RND2: variants seen among roughly 807,000 people sequenced by gnomAD.
RND2 encodes the protein rho-related GTP-binding protein RhoN.
Under a neutral mutation model 25.9 loss-of-function variants are expected in RND2, and 16 were observed. The ratio of observed to expected loss-of-function variants is 0.62; its 90% CI spans 0.42 to 0.94. RND2 has a LOEUF of 0.94. RND2 is among the 40% of genes least tolerant of loss of function. The pLI is 0.00. For missense variants in RND2, 276 were observed against 305.5 expected (o/e 0.90, Z 0.72); for synonymous variants, 97 against 118.1 (o/e 0.82, Z 1.16).
At chr17:43,028,040 C>A (rs1205727748) in intron 3 of RND2, 21 bp from the exon 4 acceptor site, 3 of 1,607,104 alleles carry the variant, frequency 1.9e-6, no homozygotes, top group Non-Finnish European at 2.5e-6. Context: ...CTCCACAATT[C>A]TCTTTTCTTC....
intron 2 of RND2, among the ~76,000 whole-genome samples, chr17:43,026,873 C>G (rs918299607): frequency 6.6e-6 from 1 of 152,166 alleles, no homozygotes; most frequent in Non-Finnish European, 1.5e-5. Flanking sequence ...AAAGCACATG[C>G]AACATTTTAT....
At chr17:43,025,930 G>A (rs746726283) in intron 1 of RND2, 30 bp from the exon 2 acceptor site, 10 of 1,549,754 alleles carry the variant, frequency 6.5e-6, no homozygotes, top group Middle Eastern at 1.7e-4. Context: ...TTGGAGAGAT[G>A]ATCTCATCTG....
intron 2 of RND2, 171 bp downstream of exon 2, chr17:43,026,218 G>T: frequency 3.6e-6 from 2 of 557,680 alleles, no homozygotes; most frequent in Non-Finnish European, 6.5e-6. Context: ...AACTTGCAGA[G>T]CCTGACAGAA....
In RND2 at chr17:43,031,477, A is replaced by C. The variant is rs2050671525; in HGVS notation, c.*2797A>C. ...TCTGAGGACTGACCCTTTCCCCACA[A>C]GGACCTGCCATAAAAATCGACTTGC... On this transcript the variant is annotated 3_prime_UTR_variant, in exon 5 of 5. Coordinates refer to ENST00000587250, the MANE Select transcript of RND2 (RefSeq NM_005440.5). 1 of 152,108 alleles carries C rather than the reference A, an allele frequency of 6.6e-6. No homozygotes were observed. Among genetic ancestry groups the C allele is most frequent in the African/African-American group, 2.4e-5 (1 of 41,398 alleles). The allele number at this position is 152,108 out of a possible 1,614,324, so 9.4% of individuals were successfully genotyped here.
chr17:43,027,920 C>G lies in RND2; in HGVS notation c.301-141C>G, dbSNP rs889810362. 2.7e-4 allele frequency: 265 copies of G among 999,730 alleles called. 1 individual carries two copies. Among genetic ancestry groups the G allele is most frequent in the Middle Eastern group, 1.2e-3 (4 of 3,266 alleles). The allele number at this position is 999,730 out of a possible 1,614,324, so 61.9% of individuals were successfully genotyped here. A position where few individuals can be genotyped will look rare whatever the true frequency, so the allele number is the denominator to read the frequency against. On this transcript the variant is annotated intron_variant, in intron 3 of 4. Coordinates refer to ENST00000587250, the MANE Select transcript of RND2 (RefSeq NM_005440.5). ...CAAACCAAGCCTAGCATTCTCACCT[C>G]CTTCCTCATGTGGGAGAGTCCTGAG...
intron 3 of RND2, among the ~76,000 whole-genome samples, chr17:43,027,529 G>A (rs1290232548): frequency 6.6e-6 from 1 of 152,174 alleles, no homozygotes; most frequent in African/African-American, 2.4e-5. Context: ...AGTGAAGGGA[G>A]AAGCACTCAC....
rs182279900 is a variant in RND2 at position 43,031,745 on chromosome 17, C to G, written c.*3065C>G. On this transcript the variant is annotated 3_prime_UTR_variant, in exon 5 of 5. Transcript: ENST00000587250. ...AAAGTTTAATACATTTTCAATACCA[C>G]CAGGAATGGATTTTTGGTCCCTTTC... The G allele has an allele frequency of 8.5e-5, 13 of 152,280 alleles. No individual in the cohort carries two copies. The East Asian group carries it at 2.1e-3, about 25-fold the overall frequency. 9.4% of individuals were successfully genotyped at this position (152,280 alleles called of 1,614,324 possible). A position where few individuals can be genotyped will look rare whatever the true frequency, so the allele number is the denominator to read the frequency against.
At chr17:43,027,393 G>A in intron 3 of RND2, 101 bp downstream of exon 3, 1 of 754,606 alleles carries the variant, frequency 1.3e-6, no homozygotes, top group Non-Finnish European at 2.2e-6. Context: ...GCTGGGGTAT[G>A]GCCATCAGCT....
At chr17:43,028,272 C>A in intron 4 of RND2, 77 bp downstream of exon 4, 1 of 1,600,546 alleles carries the variant, frequency 6.2e-7, no homozygotes, top group Non-Finnish European at 8.5e-7. Context: ...TTTGAAAACA[C>A]CTTACCTGGC....
rs1270403316 is a variant in RND2, at chr17:43,031,758, T to G, written c.*3078T>G. On this transcript the variant is annotated 3_prime_UTR_variant, in exon 5 of 5. Coordinates refer to ENST00000587250, the MANE Select transcript of RND2 (RefSeq NM_005440.5). ...TTTTCAATACCACCAGGAATGGATTTTTGGTCCCTTTCTGCAGGTCTGGGT... is the reference window on the plus strand; with the variant it reads ...TTTTCAATACCACCAGGAATGGATTGTTGGTCCCTTTCTGCAGGTCTGGGT... The G allele has an allele frequency of 6.6e-6, 1 of 152,164 alleles. No individual in the cohort carries two copies. The highest frequency in any genetic ancestry group is 6.5e-5 in the Admixed American group (1 of 15,268). 9.4% of individuals were successfully genotyped at this position (152,164 alleles called of 1,614,324 possible).
intron 2 of RND2, chr17:43,026,263 C>T: frequency 1.9e-6 from 1 of 527,284 alleles, no homozygotes. Flanking sequence ...AGGATCTGAG[C>T]CCCTCAGCTG....
rs1299110362 is a variant in RND2 at position 43,026,324 on chromosome 17, A to G, written c.190+277A>G. The G allele has an allele frequency of 3.8e-5, 16 of 424,076 alleles. No homozygotes were observed. The East Asian group carries it at 5.2e-4, about 14-fold the overall frequency. 26.3% of individuals were successfully genotyped at this position (424,076 alleles called of 1,614,324 possible). A position where few individuals can be genotyped will look rare whatever the true frequency, so the allele number is the denominator to read the frequency against. On this transcript the variant is annotated intron_variant, in intron 2 of 4. Transcript: ENST00000587250. ...GAAGGAATGGCTTTTAATTTGGAAC[A>G]TGTTCCTTCAGAGATAAGACTGGGT...
chr17:43,025,278 C>A lies in RND2; in HGVS notation c.-70C>A. On this transcript the variant is annotated 5_prime_UTR_variant, in exon 1 of 5. Transcript: ENST00000587250. ...TTGGCGGCCCGAGCGGCTGCAGTTG[C>A]AGGGGCGGGGGAGGCGGCGGCGGGG... 1 of 1,336,152 alleles carries A rather than the reference C, an allele frequency of 7.5e-7. No homozygotes were observed. The highest frequency in any genetic ancestry group is 9.8e-7 in the Non-Finnish European group (1 of 1,023,810). 82.8% of individuals were successfully genotyped at this position (1,336,152 alleles called of 1,614,324 possible). A position where few individuals can be genotyped will look rare whatever the true frequency, so the allele number is the denominator to read the frequency against.
chr17:43,028,023 T>G (rs1040297881), intron 3 of RND2, 38 bp from the exon 4 acceptor site: 9 of 1,591,594 alleles, frequency 5.7e-6, no homozygotes, highest in Non-Finnish European at 6.0e-6. Context: ...TGTGCCTCCC[T>G]CCACCCCTCC....
Position 43,028,738 on chromosome 17 carries a change from G to C in RND2, c.*58G>C. On this transcript the variant is annotated 3_prime_UTR_variant, in exon 5 of 5. Coordinates refer to ENST00000587250, the MANE Select transcript of RND2 (RefSeq NM_005440.5). ...TGGTGAGGGACACAATTGTTCCCCT[G>C]CCTGCGCCCAGGCTTCCTGACCTCC... 2 of 1,499,928 alleles carry C rather than the reference G, an allele frequency of 1.3e-6. No homozygotes were observed. The highest frequency in any genetic ancestry group is 2.8e-5 in the African/African-American group (2 of 72,496). 92.9% of individuals were successfully genotyped at this position (1,499,928 alleles called of 1,614,324 possible).
chr17:43,028,521 T>C lies in RND2; in HGVS notation c.525T>C (p.His175=), dbSNP rs764002327. The C allele has an allele frequency of 8.1e-6, 13 of 1,614,094 alleles. No homozygotes were observed. The highest frequency in any genetic ancestry group is 6.6e-5 in the South Asian group (6 of 91,084). The change falls in exon 5 of 5, where the codon CAT becomes CAC. Residue 175 remains histidine (H), a synonymous_variant. Transcript: ENST00000587250. The part of the protein sequence containing the change: ...SSERSVRDVF[H]VATVASLGRG... ...AGCGCAGCGTCAGGGATGTCTTCCA[T>C]GTGGCTACAGTGGCCTCCCTTGGCC...
At chr17:43,027,141 C>T (rs777850335) in intron 2 of RND2, 42 bp from the exon 3 acceptor site, 27 of 1,313,588 alleles carry the variant, frequency 2.1e-5, no homozygotes, top group Admixed American at 8.1e-5. Context: ...CCCTTCCAGG[C>T]CTCCCATCCA....
chr17:43,025,515 G>A, intron 1 of RND2, 66 bp downstream of exon 1: 1 of 1,519,874 alleles, frequency 6.6e-7, no homozygotes, highest in Non-Finnish European at 8.8e-7. Flanking sequence ...AGGGGCCCTG[G>A]CGACGGATGG....
At chr17:43,025,791 C>T (rs10451258) in intron 1 of RND2, among the ~76,000 whole-genome samples, 169 bp from the exon 2 acceptor site, 2,419 of 8,972 alleles carry the variant, frequency 0.27, 203 homozygotes, top group Middle Eastern at 0.5. Flanking sequence ...CAGAGATTCT[C>T]CGGGGGGGGG....
Sources: allele counts gnomAD v4.1 joint callset (sites outside exome capture counted in the v4.1 genomes callset), GRCh38; gene constraint gnomAD v4.1.1; transcripts MANE v1.5; gene names NCBI Gene and HGNC (gene_info 2026-07-23, HGNC 2026-07-21).